The following ESYT3 variants were observed in gnomAD, a reference collection of about 807,000 sequenced individuals.
ESYT3 encodes extended synaptotagmin 3.
A neutral mutation model predicts 111.5 loss-of-function variants in ESYT3; 101 were observed. The observed-to-expected ratio is 0.91, with a 90% CI of 0.77 to 1.07. ESYT3 has a LOEUF of 1.07. Ranked by LOEUF, ESYT3 falls within the 50% of genes least tolerant of loss-of-function variation. The pLI, the probability that ESYT3 is intolerant of heterozygous loss-of-function variation, is 0.00. For synonymous variants in ESYT3, 416 were observed against 446.8 expected (o/e 0.93, Z 0.87); for missense variants, 1,097 against 1,109.4 (o/e 0.99, Z 0.16).
rs139482835 is a variant in ESYT3 at position 138,478,894 on chromosome 3, A to ACC, written c.*2044_*2045dup. On this transcript the variant is annotated 3_prime_UTR_variant, in exon 23 of 23. Transcript: ENST00000389567. ...AAGTTAACATCATCTTGGTACAGAA[A>ACC]CCCCCAAACCTAAGACGGAATGTGA... 1 of 151,952 alleles carries ACC rather than the reference A, an allele frequency of 6.6e-6. No homozygotes were observed. The highest frequency in any genetic ancestry group is 2.4e-5 in the African/African-American group (1 of 41,328). The allele number at this position is 151,952 out of a possible 1,614,324, so 9.4% of individuals were successfully genotyped here.
chr3:138,447,478 A>C (rs1023969333), intron 1 of ESYT3, among the ~76,000 whole-genome samples: 1 of 152,234 alleles, frequency 6.6e-6, no homozygotes, highest in African/African-American at 2.4e-5. Context: ...GCAGAATAGC[A>C]ATTTATTGTG....
At position 138,470,128 on chromosome 3, in the gene ESYT3, T is replaced by C; in HGVS notation, c.1572T>C (p.Thr524=). The C allele has an allele frequency of 6.2e-7, 1 of 1,611,956 alleles. No homozygotes were observed. ...CCTTCTTTGTGCACAATGTGGCCACTGAGCGGCTCCATCTGAAGGTTTGAT... is the reference window on the plus strand; with the variant it reads ...CCTTCTTTGTGCACAATGTGGCCACCGAGCGGCTCCATCTGAAGGTTTGAT... ...VFSFFVHNVA[T]ERLHLKVLDD... is the part of the protein sequence containing the mutation. The change falls in exon 16 of 23, where the codon ACT becomes ACC. Residue 524 remains threonine (T), a synonymous_variant. Coordinates refer to ENST00000389567, the MANE Select transcript of ESYT3 (RefSeq NM_031913.5).
At chr3:138,438,338 G>T (rs970014863) in intron 1 of ESYT3, among the ~76,000 whole-genome samples, 4 of 152,216 alleles carry the variant, frequency 2.6e-5, no homozygotes, top group Non-Finnish European at 4.4e-5. Context: ...ACTCAGACCT[G>T]CATTGCATGT....
intron 16 of ESYT3, chr3:138,470,608 C>T: frequency 1.6e-6 from 2 of 1,238,532 alleles, no homozygotes; most frequent in Non-Finnish European, 2.0e-6. Flanking sequence ...CAGCACAGCT[C>T]ATCAGTCCCC....
At chr3:138,445,637 A>T (rs1398155285) in intron 1 of ESYT3, among the ~76,000 whole-genome samples, 1 of 152,240 alleles carries the variant, frequency 6.6e-6, no homozygotes, top group Non-Finnish European at 1.5e-5. Flanking sequence ...AACTGGACAC[A>T]TAGCTCAGGT....
At position 138,465,413 on chromosome 3, in the gene ESYT3, C is replaced by A; in HGVS notation, c.1161C>A (p.Phe387Leu). The change falls in exon 10 of 23, where the codon TTC (phenylalanine) becomes TTA (leucine). Residue 387 changes from phenylalanine to leucine, a missense_variant. Coordinates refer to ENST00000389567, the MANE Select transcript of ESYT3 (RefSeq NM_031913.5). ...LYDEDTDRDDFLGSLQICLGD... is the reference protein window; with the variant it reads ...LYDEDTDRDDLLGSLQICLGD... ...ATGAGGATACCGACAGGGATGACTT[C>A]CTGGGCAGGTGAGGAGGAGGGCGCA... 6.3e-7 allele frequency: 1 copy of A among 1,590,368 alleles called. No individual in the cohort carries two copies. The highest frequency in any genetic ancestry group is 8.6e-7 in the Non-Finnish European group (1 of 1,169,020).
intron 1 of ESYT3, among the ~76,000 whole-genome samples, chr3:138,449,875 C>G (rs1560217861): frequency 6.6e-6 from 1 of 152,208 alleles, no homozygotes. Context: ...TTTATTAAGA[C>G]CTTCATATGT....
At chr3:138,473,299 AAT>A in intron 18 of ESYT3, 1 of 665,396 alleles carries the variant, frequency 1.5e-6, no homozygotes, top group East Asian at 3.1e-5. Flanking sequence ...TCCCAAAAGG[AAT>A]CATGATACAA....
chr3:138,438,445 C>G (rs1204869331), intron 1 of ESYT3, among the ~76,000 whole-genome samples: 1 of 152,076 alleles, frequency 6.6e-6, no homozygotes, highest in Non-Finnish European at 1.5e-5. Flanking sequence ...GATGGGGCAC[C>G]TTTTTCTAAT....
chr3:138,436,373 A>G (rs780898648), intron 1 of ESYT3, among the ~76,000 whole-genome samples: 22 of 152,188 alleles, frequency 1.4e-4, no homozygotes, highest in Admixed American at 4.6e-4. Flanking sequence ...GACATCAGTC[A>G]TATTGGATTA....
chr3:138,456,465 A>T (rs1054224589), intron 3 of ESYT3, among the ~76,000 whole-genome samples: 3 of 152,194 alleles, frequency 2.0e-5, no homozygotes, highest in African/African-American at 4.8e-5. Flanking sequence ...AGAAGCTTGC[A>T]GGGTGCTGTG....
At chr3:138,472,987 C>A in intron 18 of ESYT3, 128 bp downstream of exon 18, 8 of 1,507,536 alleles carry the variant, frequency 5.3e-6, no homozygotes, top group Non-Finnish European at 7.0e-6. Flanking sequence ...TCCTAAGAGG[C>A]AGCATGGTGT....
At chr3:138,467,463 A>C (rs1010403997) in intron 10 of ESYT3, 98 bp from the exon 11 acceptor site, 6 of 1,210,592 alleles carry the variant, frequency 5.0e-6, no homozygotes, top group African/African-American at 1.5e-5. Context: ...TAATGGCCGC[A>C]CTCAGATATC....
intron 1 of ESYT3, 120 bp from the exon 2 acceptor site, chr3:138,451,915 ACGTGGAGGCGGCG>A: frequency 1.0e-6 from 1 of 974,212 alleles, no homozygotes; most frequent in East Asian, 2.5e-5. Flanking sequence ...CCTGTGACCG[ACGTGGAGGCGGCG>A]GGGAGGAAGG....
At chr3:138,472,966 A>G in intron 18 of ESYT3, 107 bp downstream of exon 18, 1 of 1,517,364 alleles carries the variant, frequency 6.6e-7, no homozygotes, top group Non-Finnish European at 8.8e-7. Context: ...TTGTTTTTTC[A>G]CAAAATATCT....
chr3:138,434,943 G>T lies in ESYT3; in HGVS notation c.145G>T (p.Val49Phe). Residue 49 changes from valine to phenylalanine, a missense_variant, in exon 1 of 23, where the codon GTC (valine) becomes TTC (phenylalanine). Transcript: ENST00000389567. Reference protein sequence around the residue: ...VVRVLFYLGPVYLAGYLGLSI... With the variant: ...VVRVLFYLGPFYLAGYLGLSI... ...GCGCGTGCTGTTCTACCTGGGGCCT[G>T]TCTACCTAGCTGGCTACCTGGGGCT... is the stretch of plus-strand genomic sequence containing the variant. 1 of 1,552,896 alleles carries T rather than the reference G, an allele frequency of 6.4e-7. No homozygotes were observed. The highest frequency in any genetic ancestry group is 8.7e-7 in the Non-Finnish European group (1 of 1,147,542).
intron 20 of ESYT3, 75 bp downstream of exon 20, chr3:138,474,427 C>T: frequency 2.0e-6 from 3 of 1,488,516 alleles, no homozygotes; most frequent in South Asian, 2.7e-5. Flanking sequence ...TGTTGCCTGG[C>T]AGCCTGCCAG....
At chr3:138,464,299 A>G in intron 8 of ESYT3, 46 bp from the exon 9 acceptor site, 3 of 1,599,820 alleles carry the variant, frequency 1.9e-6, no homozygotes, top group South Asian at 1.1e-5. Flanking sequence ...CAGGACTTGG[A>G]GGCCCCAGGA....
At chr3:138,448,690 A>G (rs534623017) in intron 1 of ESYT3, among the ~76,000 whole-genome samples, 1 of 152,330 alleles carries the variant, frequency 6.6e-6, no homozygotes, top group East Asian at 1.9e-4. Flanking sequence ...GGAAAAATAG[A>G]TTGATCTGTC....
Sources: gnomAD v4.1 joint callset for allele counts (sites outside exome capture counted in the v4.1 genomes callset) on GRCh38, gnomAD v4.1.1 for gene constraint, MANE v1.5 for transcripts, NCBI Gene and HGNC (gene_info 2026-07-23, HGNC 2026-07-21) for gene names.